Variants in SORCS2 observed in about 807,000 individuals in gnomAD.
The protein encoded by SORCS2 is sortilin related VPS10 domain containing receptor 2.
A neutral mutation model predicts 141.6 loss-of-function variants in SORCS2; 100 were observed. The ratio of observed to expected loss-of-function variants is 0.71; its 90% CI spans 0.60 to 0.83. The LOEUF (loss-of-function observed/expected upper bound fraction) is 0.83. Ranked by LOEUF, SORCS2 falls within the 40% of genes least tolerant of loss-of-function variation. The pLI is 0.00. For synonymous variants in SORCS2, 789 were observed against 676.9 expected (o/e 1.17, Z -2.57); for missense variants, 1,646 against 1,560.2 (o/e 1.05, Z -0.93).
At chr4:7,671,178 A>G (rs1404561681) in intron 8 of SORCS2, among the ~76,000 whole-genome samples, 2 of 152,166 alleles carry the variant, frequency 1.3e-5, no homozygotes, top group Non-Finnish European at 2.9e-5. Context: ...ATCAAAAAAT[A>G]AGAACAAAAC....
intron 1 of SORCS2, among the ~76,000 whole-genome samples, chr4:7,294,830 CCCTCCTCTCCCTCCTCCCCCTCCT>C (rs1467853683): frequency 1.5e-4 from 3 of 20,016 alleles, no homozygotes. Flanking sequence ...CTCCCCCTCC[CCCTCCTCTCCCTCCTCCCCCTCCT>C]CCTCCTCTCC....
chr4:7,567,359 C>T (rs932871598), intron 3 of SORCS2, among the ~76,000 whole-genome samples: 5 of 152,048 alleles, frequency 3.3e-5, no homozygotes, highest in East Asian at 1.9e-4. Flanking sequence ...ATGTCTGCTT[C>T]GGCTCCGCCT....
intron 1 of SORCS2, among the ~76,000 whole-genome samples, chr4:7,209,127 C>T (rs1029884483): frequency 7.2e-5 from 11 of 152,378 alleles, no homozygotes; most frequent in African/African-American, 2.4e-4. Flanking sequence ...GGACACTGAA[C>T]TGGCCTTGTT....
intron 1 of SORCS2, among the ~76,000 whole-genome samples, chr4:7,279,758 A>C (rs926608775): frequency 6.6e-6 from 1 of 152,240 alleles, no homozygotes; most frequent in Non-Finnish European, 1.5e-5. Context: ...AAACAGACGA[A>C]GGGAACATTT....
chr4:7,275,034 AATGCAAACAC>A (rs1265682000), intron 1 of SORCS2, among the ~76,000 whole-genome samples: 1 of 152,170 alleles, frequency 6.6e-6, no homozygotes, highest in African/African-American at 2.4e-5. Context: ...GACACCTTTT[AATGCAAACAC>A]ATTGCCTTTT....
At chr4:7,696,668 G>A (rs1161008828) in intron 11 of SORCS2, among the ~76,000 whole-genome samples, 2 of 152,156 alleles carry the variant, frequency 1.3e-5, no homozygotes, top group Admixed American at 1.3e-4. Flanking sequence ...ACCCCCAGTT[G>A]GTTTGGTGCC....
At chr4:7,492,485 C>T (rs1034161338) in intron 2 of SORCS2, among the ~76,000 whole-genome samples, 1 of 152,202 alleles carries the variant, frequency 6.6e-6, no homozygotes, top group Non-Finnish European at 1.5e-5. Context: ...TGTTGGTGAT[C>T]CCCAGGAGGA....
rs35696538 is a variant in SORCS2, at chr4:7,601,312, ATT to A, written c.649-37006_649-37005del. On this transcript the variant is annotated intron_variant, in intron 3 of 26. Transcript: ENST00000507866. ...TTTTAAACTCCCCAAATTAAACCTCATTTTTTTTTTTAAGTTATCAAGCAATA... is the reference window on the plus strand; with the variant it reads ...TTTTAAACTCCCCAAATTAAACCTCATTTTTTTTTAAGTTATCAAGCAATA... Among the ~76,000 whole-genome samples, 301 of 148,634 alleles carry A rather than the reference ATT, an allele frequency of 2.0e-3. 1 individual carries two copies. The highest frequency in any genetic ancestry group is 3.2e-3 in the Non-Finnish European group (215 of 67,092).
At position 7,323,939 on chromosome 4, in the gene SORCS2, C is replaced by T. The variant is rs563395171; in HGVS notation, c.481-72349C>T. On this transcript the variant is annotated intron_variant, in intron 1 of 26. Transcript: ENST00000507866. Reference sequence around the variant, plus strand: ...ACACCACACATCTCATGGGAGGGGACGGGGACTAACATTTGCAGAGACCCC... The same window carrying T: ...ACACCACACATCTCATGGGAGGGGATGGGGACTAACATTTGCAGAGACCCC... Among the ~76,000 whole-genome samples the T allele has an allele frequency of 3.3e-5, 5 of 152,290 alleles. No homozygotes were observed. In the East Asian group the frequency reaches 5.8e-4, roughly 18 times the overall value.
intron 1 of SORCS2, among the ~76,000 whole-genome samples, chr4:7,387,556 T>A: frequency 1.5e-5 from 1 of 65,646 alleles, no homozygotes; most frequent in African/African-American, 5.0e-5. Context: ...CACATACACA[T>A]ATGTACACAC....
chr4:7,451,568 C>T (rs1577585730), intron 2 of SORCS2, among the ~76,000 whole-genome samples: 1 of 152,380 alleles, frequency 6.6e-6, no homozygotes, highest in East Asian at 1.9e-4. Flanking sequence ...ACCTGACATG[C>T]CCCCACTGGG....
At chr4:7,647,800 C>T (rs1416569292) in intron 4 of SORCS2, among the ~76,000 whole-genome samples, 1 of 152,210 alleles carries the variant, frequency 6.6e-6, no homozygotes, top group Non-Finnish European at 1.5e-5. Context: ...GCTCAGCCCT[C>T]GGCTGGTTCT....
intron 1 of SORCS2, among the ~76,000 whole-genome samples, chr4:7,279,770 G>C (rs767739633): frequency 1.3e-5 from 2 of 152,186 alleles, no homozygotes; most frequent in Non-Finnish European, 2.9e-5. Flanking sequence ...GGAACATTTT[G>C]TACCTGTTGT....
chr4:7,481,153 C>A lies in SORCS2; in HGVS notation c.549-50377C>A, dbSNP rs567099204. 3.4e-3 allele frequency among the ~76,000 whole-genome samples: 524 copies of A among 152,364 alleles called. 7 individuals carry two copies. Among genetic ancestry groups the A allele is most frequent in the Non-Finnish European group, 8.7e-4 (59 of 68,044 alleles). On this transcript the variant is annotated intron_variant, in intron 2 of 26. Transcript: ENST00000507866. ...GGCCACACATGGCATCCTCTTTACC[C>A]AGCATGCACCTGAGTGGGAGCCACA...
At chr4:7,367,107 C>G (rs1265099256) in intron 1 of SORCS2, among the ~76,000 whole-genome samples, 1 of 152,152 alleles carries the variant, frequency 6.6e-6, no homozygotes, top group Non-Finnish European at 1.5e-5. Context: ...CAAAGGGGAG[C>G]CCCGTGATGT....
At chr4:7,487,356 G>T (rs1731052295) in intron 2 of SORCS2, among the ~76,000 whole-genome samples, 1 of 152,222 alleles carries the variant, frequency 6.6e-6, no homozygotes, top group African/African-American at 2.4e-5. Flanking sequence ...TCCTACAGCA[G>T]AAGGGGTGGC....
intron 1 of SORCS2, among the ~76,000 whole-genome samples, chr4:7,306,985 T>C (rs150224557): frequency 2.8e-4 from 43 of 152,330 alleles, no homozygotes; most frequent in African/African-American, 9.9e-4. Context: ...CCGGAGCTGA[T>C]TCGGTGCCTG....
intron 23 of SORCS2, among the ~76,000 whole-genome samples, chr4:7,732,088 G>T (rs946229961): frequency 2.0e-5 from 3 of 152,188 alleles, no homozygotes; most frequent in Non-Finnish European, 4.4e-5. Flanking sequence ...AAGAAACCCA[G>T]CTCCATAGCC....
intron 3 of SORCS2, among the ~76,000 whole-genome samples, chr4:7,579,195 T>C (rs1254128234): frequency 6.6e-6 from 1 of 152,234 alleles, no homozygotes; most frequent in Non-Finnish European, 1.5e-5. Context: ...AGAAAGTCTC[T>C]TAATCTGTCG....
Sources: gnomAD v4.1 joint callset for allele counts (sites outside exome capture counted in the v4.1 genomes callset) on GRCh38, gnomAD v4.1.1 for gene constraint, MANE v1.5 for transcripts, NCBI Gene and HGNC (gene_info 2026-07-23, HGNC 2026-07-21) for gene names.